Variants in LILRB1 observed in about 807,000 individuals in gnomAD.
LILRB1 encodes leukocyte immunoglobulin-like receptor subfamily B member 1.
Under a neutral mutation model 74.6 loss-of-function variants are expected in LILRB1, and 59 were observed. The ratio of observed to expected loss-of-function variants is 0.79; its 90% CI spans 0.64 to 0.98. LILRB1 has a LOEUF of 0.98. Ranked by LOEUF, LILRB1 falls within the 50% of genes least tolerant of loss-of-function variation. The pLI is 0.00. For missense variants in LILRB1, 804 were observed against 822.6 expected (o/e 0.98, Z 0.28); for synonymous variants, 328 against 333.9 (o/e 0.98, Z 0.19).
At chr19:54,636,422 G>A (rs2064425850) in intron 13 of LILRB1, 72 bp from the exon 14 acceptor site, 1 of 1,587,378 alleles carries the variant, frequency 6.3e-7, no homozygotes, top group South Asian at 1.2e-5. Flanking sequence ...ATCACCCGGG[G>A]AACAGTGAGG....
Position 54,635,275 on chromosome 19 carries a change from G to T in LILRB1, c.1579G>T (p.Asp527Tyr). The stretch of plus-strand genomic sequence containing the variant: ...TTCCCCCAGGTCCAGCCCAGCTGCC[G>T]ATGCCCAGGAAGAAAACCTCTGTGA... ...GLQWRSSPAA[D>Y]AQEENLYAAV... The change falls in exon 12 of 15, where the codon GAT (aspartate) becomes TAT (tyrosine). Residue 527 changes from aspartate (D) to tyrosine (Y), a missense_variant. Asp to Tyr is a radical substitution (Grantham distance 160). Transcript: ENST00000324602. 6.2e-7 allele frequency: 1 copy of T among 1,612,602 alleles called. No individual in the cohort carries two copies. The highest frequency in any genetic ancestry group is 8.5e-7 in the Non-Finnish European group (1 of 1,178,748).
chr19:54,618,336 A>G (rs2063367735), intron 1 of LILRB1, among the ~76,000 whole-genome samples: 1 of 152,222 alleles, frequency 6.6e-6, no homozygotes, highest in Admixed American at 6.5e-5. Flanking sequence ...TATCAGGACA[A>G]GATGCTTCTT....
Position 54,632,531 on chromosome 19 carries a change from T to C in LILRB1, c.729T>C (p.Thr243=), listed in dbSNP as rs10427127. The part of the protein sequence containing the change: ...GPIVAPEETL[T]LQCGSDAGYN... ...TCGTGGCCCCTGAGGAGACCCTGAC[T>C]CTGCAGTGTGGCTCTGATGCTGGCT... Residue 243 remains threonine (T), a synonymous_variant, in exon 6 of 15, where the codon ACT becomes ACC. Transcript: ENST00000324602. The C allele has an allele frequency of 0.067, 108,339 of 1,613,770 alleles. 7,510 individuals carry two copies. Among genetic ancestry groups the C allele is most frequent in the African/African-American group, 0.37 (27,560 of 74,856 alleles).
upstream of LILRB1, among the ~76,000 whole-genome samples, chr19:54,616,410 T>A (rs1193274707): frequency 2.0e-5 from 3 of 152,290 alleles, no homozygotes; most frequent in East Asian, 5.8e-4. Context: ...TTGACTCTTT[T>A]TGTCCACAAT....
At chr19:54,618,071 A>T (rs1025054339) in intron 1 of LILRB1, among the ~76,000 whole-genome samples, 3 of 147,524 alleles carry the variant, frequency 2.0e-5, no homozygotes. Context: ...ACTGCATTCC[A>T]GTCTGGGTGA....
intron 13 of LILRB1, 85 bp from the exon 14 acceptor site, chr19:54,636,409 C>T (rs891382622): frequency 6.4e-6 from 10 of 1,571,494 alleles, no homozygotes; most frequent in Non-Finnish European, 8.6e-6. Context: ...GGGATGTAAT[C>T]GGATCACCCG....
rs750702853 is a variant in LILRB1, at chr19:54,636,624, C to A, written c.1784C>A (p.Ala595Glu). ...GEFLDTKDRQAEEDRQMDTEA... is the reference protein window; with the variant it reads ...GEFLDTKDRQEEEDRQMDTEA... ...TTCCTGGACACAAAGGACAGACAGG[C>A]GGAAGAGGACAGGCAGATGGACACT... The change falls in exon 14 of 15, where the codon GCG (alanine) becomes GAG (glutamate). Residue 595 changes from alanine (A) to glutamate (E), a missense_variant. Coordinates refer to ENST00000324602, the MANE Select transcript of LILRB1 (RefSeq NM_001081637.3). 1.9e-6 allele frequency: 3 copies of A among 1,610,260 alleles called. No homozygotes were observed. Among genetic ancestry groups the A allele is most frequent in the Admixed American group, 3.3e-5 (2 of 59,984 alleles).
At chr19:54,617,654 C>T (rs2063345405) in intron 1 of LILRB1, among the ~76,000 whole-genome samples, 1 of 151,442 alleles carries the variant, frequency 6.6e-6, no homozygotes, top group African/African-American at 2.4e-5. Context: ...TGGCAGTGAA[C>T]CCATTTTAAT....
chr19:54,626,695 GT>G (rs2063598971), upstream of LILRB1, among the ~76,000 whole-genome samples: 1 of 152,150 alleles, frequency 6.6e-6, no homozygotes, highest in Admixed American at 6.6e-5. Flanking sequence ...ATAATTGCCT[GT>G]TTTTTCTGTA....
upstream of LILRB1, among the ~76,000 whole-genome samples, chr19:54,626,972 C>A (rs930322579): frequency 6.6e-6 from 1 of 152,188 alleles, no homozygotes; most frequent in African/African-American, 2.4e-5. Context: ...CATGCACACC[C>A]GGGAAGGTGG....
At chr19:54,626,609 CT>C (rs1464397642), upstream of LILRB1, among the ~76,000 whole-genome samples, 1 of 112,220 alleles carries the variant, frequency 8.9e-6, no homozygotes, top group Non-Finnish European at 2.2e-5. Flanking sequence ...GTGTCTTGTT[CT>C]TGATGCAATT....
At chr19:54,623,117 T>C (rs74742124) in intron 1 of LILRB1, among the ~76,000 whole-genome samples, 5,038 of 152,254 alleles carry the variant, frequency 0.033, 106 homozygotes, top group South Asian at 0.053. Context: ...TCTTGGCCTG[T>C]AGCTTTATTT....
upstream of LILRB1, among the ~76,000 whole-genome samples, chr19:54,627,720 C>A (rs901763039): frequency 3.3e-5 from 5 of 151,920 alleles, no homozygotes; most frequent in African/African-American, 1.2e-4. Context: ...CTGATAAGAA[C>A]TTCCTTTACT....
At chr19:54,632,890 T>TTG in intron 6 of LILRB1, 126 bp from the exon 7 acceptor site, 1 of 898,800 alleles carries the variant, frequency 1.1e-6, no homozygotes. Flanking sequence ...AGACAGGGGA[T>TTG]GGGCGGGGAG....
chr19:54,627,308 C>T (rs113727664), upstream of LILRB1, among the ~76,000 whole-genome samples: 5,026 of 152,278 alleles, frequency 0.033, 105 homozygotes, highest in South Asian at 0.053. Flanking sequence ...ATTCCTGAAA[C>T]TCTCAGGTTA....
chr19:54,633,019 A>G lies in LILRB1; in HGVS notation c.962A>G (p.Gln321Arg). Reference protein sequence around the residue: ...SDPLDILIAGQFYDRVSLSVQ... With the variant: ...SDPLDILIAGRFYDRVSLSVQ... Reference sequence around the variant, plus strand: ...CGCCCATCCTTCTTCTCTCCAGGACAGTTCTATGACAGAGTCTCCCTCTCG... The same window carrying G: ...CGCCCATCCTTCTTCTCTCCAGGACGGTTCTATGACAGAGTCTCCCTCTCG... Residue 321 changes from glutamine to arginine, a missense_variant, in exon 7 of 15, where the codon CAG becomes CGG. Coordinates refer to ENST00000324602, the MANE Select transcript of LILRB1 (RefSeq NM_001081637.3). 6.2e-7 allele frequency: 1 copy of G among 1,613,212 alleles called. No individual in the cohort carries two copies. Among genetic ancestry groups the G allele is most frequent in the Non-Finnish European group, 8.5e-7 (1 of 1,179,510 alleles).
At chr19:54,635,535 A>T (rs1360219606) in intron 12 of LILRB1, 22 bp from the exon 13 acceptor site, 5 of 1,606,084 alleles carry the variant, frequency 3.1e-6, no homozygotes, top group African/African-American at 1.3e-5. Context: ...CAAGAGACAA[A>T]CCCCTTGCTC....
At chr19:54,634,063 G>A (rs576378591) in intron 9 of LILRB1, 42 bp downstream of exon 9, 4 of 1,564,922 alleles carry the variant, frequency 2.6e-6, no homozygotes, top group African/African-American at 2.7e-5. Flanking sequence ...AGGGTCCAGG[G>A]GAGGCAGGGG....
upstream of LILRB1, among the ~76,000 whole-genome samples, chr19:54,625,452 G>A (rs1012658475): frequency 5.3e-5 from 8 of 152,110 alleles, no homozygotes; most frequent in African/African-American, 1.2e-4. Flanking sequence ...CTCCAGAGGC[G>A]CCTCTGCACC....
Sources: gnomAD v4.1 joint callset for allele counts (sites outside exome capture counted in the v4.1 genomes callset) on GRCh38, gnomAD v4.1.1 for gene constraint, MANE v1.5 for transcripts, NCBI Gene and HGNC (gene_info 2026-07-23, HGNC 2026-07-21) for gene names.